RPS6KC1: variants seen among roughly 807,000 people sequenced by gnomAD.
RPS6KC1 encodes the protein ribosomal protein S6 kinase C1, also known as inactive ribosomal protein S6 kinase delta-1.
In RPS6KC1, 54 loss-of-function variants were observed where a neutral mutation model predicts 103.8. The observed-to-expected ratio is 0.52, with a 90% confidence interval of 0.42 to 0.65. The LOEUF is 0.65. Among genes scored for constraint, RPS6KC1 ranks in the 30% least tolerant of loss-of-function variants. The pLI, the probability that RPS6KC1 is intolerant of heterozygous loss-of-function variation, is 0.00. For missense variants in RPS6KC1, 1,151 were observed against 1,253.8 expected (o/e 0.92, Z 1.24); for synonymous variants, 439 against 438.7 (o/e 1.00, Z -0.01).
At chr1:213,413,675 A>G in the RPS6KC1 span, among the ~76,000 whole-genome samples, 1 of 152,216 alleles carries the variant, frequency 6.6e-6, no homozygotes, top group Non-Finnish European at 1.5e-5. Context: ...ATATGAACCA[A>G]GAGAGTGCAA....
chr1:213,254,164 A>G (rs973698837), intron 12 of RPS6KC1, among the ~76,000 whole-genome samples: 1 of 82,940 alleles, frequency 1.2e-5, no homozygotes, highest in Non-Finnish European at 3.0e-5. Flanking sequence ...GTGAAATATC[A>G]TAGTTTGAAT....
the RPS6KC1 span, among the ~76,000 whole-genome samples, chr1:213,349,469 G>A: frequency 1.3e-5 from 2 of 152,220 alleles, no homozygotes; most frequent in African/African-American, 4.8e-5. Context: ...GGCAGCATCC[G>A]CACTTTCCAC....
intron 3 of RPS6KC1, among the ~76,000 whole-genome samples, chr1:213,084,049 T>C (rs1278839800): frequency 6.6e-6 from 1 of 152,108 alleles, no homozygotes; most frequent in Non-Finnish European, 1.5e-5. Context: ...AACACCTCTA[T>C]ACTTTCCAAC....
chr1:213,673,946 A>G, the RPS6KC1 span, among the ~76,000 whole-genome samples: 1 of 152,172 alleles, frequency 6.6e-6, no homozygotes, highest in East Asian at 1.9e-4. Context: ...TTAAATAGGG[A>G]GCATAGTACC....
chr1:213,174,566 A>G (rs2091726104), intron 7 of RPS6KC1, among the ~76,000 whole-genome samples: 1 of 149,854 alleles, frequency 6.7e-6, no homozygotes, highest in African/African-American at 2.5e-5. Context: ...GCTACTCAGG[A>G]GGCTGAGGCA....
the RPS6KC1 span, among the ~76,000 whole-genome samples, chr1:213,814,342 G>A: frequency 0.019 from 2,927 of 152,326 alleles, 90 homozygotes; most frequent in African/African-American, 0.063. Context: ...AGGGCAGCAA[G>A]GGCCAACTTG....
the RPS6KC1 span, among the ~76,000 whole-genome samples, chr1:213,530,544 G>A: frequency 3.9e-5 from 6 of 152,128 alleles, no homozygotes; most frequent in African/African-American, 1.4e-4. Flanking sequence ...AGTTCTCATG[G>A]CTTCTCATGC....
chr1:213,615,696 C>A, the RPS6KC1 span, among the ~76,000 whole-genome samples: 1 of 152,234 alleles, frequency 6.6e-6, no homozygotes, highest in Non-Finnish European at 1.5e-5. Flanking sequence ...CATCTGGGGG[C>A]CTTGCTGCAG....
intron 10 of RPS6KC1, among the ~76,000 whole-genome samples, chr1:213,234,785 A>G (rs1446909126): frequency 6.6e-6 from 1 of 152,168 alleles, no homozygotes; most frequent in Admixed American, 6.5e-5. Context: ...TGGCTCTTGT[A>G]TGGGGAATGG....
At position 213,085,931 on chromosome 1, in the gene RPS6KC1, T is replaced by A. The variant is rs573956805; in HGVS notation, c.262+8115T>A. On this transcript the variant is annotated intron_variant, in intron 3 of 14. Transcript: ENST00000366960. ...CTCTCATCCTATTTTCTTTTTTTTT[T>A]AATTTCAGCACTTGTTATTTTTAGG... Among the ~76,000 whole-genome samples the A allele has an allele frequency of 1.4e-3, 217 of 152,272 alleles. 1 individual carries two copies. The highest frequency in any genetic ancestry group is 5.0e-3 in the African/African-American group (206 of 41,544).
chr1:213,270,810 T>C (rs1285639204), intron 14 of RPS6KC1, among the ~76,000 whole-genome samples: 3 of 152,208 alleles, frequency 2.0e-5, no homozygotes, highest in Non-Finnish European at 4.4e-5. Context: ...GAAAGCTATT[T>C]GAATGGCTAA....
In RPS6KC1 at chr1:213,217,784, T is replaced by C. The variant is rs550230332; in HGVS notation, c.1045-12713T>C. 3.5e-4 allele frequency among the ~76,000 whole-genome samples: 53 copies of C among 152,268 alleles called. No homozygotes were observed. In the Middle Eastern group the frequency reaches 0.01, roughly 29 times the overall value. Reference sequence around the variant, plus strand: ...CAATGACAAAAACCACATGATTACCTCAATAGATGCAGAAAAGGCCTTTGA... The same window carrying C: ...CAATGACAAAAACCACATGATTACCCCAATAGATGCAGAAAAGGCCTTTGA... On this transcript the variant is annotated intron_variant, in intron 8 of 14. Coordinates refer to ENST00000366960, the MANE Select transcript of RPS6KC1 (RefSeq NM_012424.6).
chr1:213,764,050 T>C, the RPS6KC1 span, among the ~76,000 whole-genome samples: 1 of 152,216 alleles, frequency 6.6e-6, no homozygotes, highest in African/African-American at 2.4e-5. Context: ...AGGCATCAGA[T>C]GGAGTAGTCA....
the RPS6KC1 span, among the ~76,000 whole-genome samples, chr1:213,470,101 G>C: frequency 1.3e-5 from 2 of 152,194 alleles, no homozygotes; most frequent in Admixed American, 6.5e-5. Context: ...TAGCCAGTCA[G>C]CATTCAAATT....
chr1:213,357,546 A>G, the RPS6KC1 span, among the ~76,000 whole-genome samples: 1 of 152,212 alleles, frequency 6.6e-6, no homozygotes, highest in Non-Finnish European at 1.5e-5. Context: ...GACCTGGGGC[A>G]GTCAGGTGAT....
chr1:213,072,141 T>G (rs1294698380), intron 2 of RPS6KC1, among the ~76,000 whole-genome samples: 2 of 127,776 alleles, frequency 1.6e-5, no homozygotes, highest in Non-Finnish European at 3.7e-5. Context: ...AACAGTATTG[T>G]TTTTTTTTTT....
the RPS6KC1 span, among the ~76,000 whole-genome samples, chr1:213,346,665 C>T: frequency 6.6e-6 from 1 of 151,896 alleles, no homozygotes; most frequent in Admixed American, 6.6e-5. Flanking sequence ...TGTGTACTGA[C>T]ATAGTATGAT....
At chr1:213,169,020 A>T (rs529248898) in intron 7 of RPS6KC1, among the ~76,000 whole-genome samples, 20 of 152,292 alleles carry the variant, frequency 1.3e-4, no homozygotes, top group Admixed American at 4.6e-4. Context: ...AATAATGAGA[A>T]TATAGTAATT....
chr1:213,454,025 GATA>G, the RPS6KC1 span, among the ~76,000 whole-genome samples: 6 of 152,084 alleles, frequency 3.9e-5, no homozygotes, highest in Non-Finnish European at 5.9e-5. Flanking sequence ...AATGTATGTA[GATA>G]ATAGTCTATG....
Sources: gnomAD v4.1 joint callset for allele counts (sites outside exome capture counted in the v4.1 genomes callset) on GRCh38, gnomAD v4.1.1 for gene constraint, MANE v1.5 for transcripts, NCBI Gene and HGNC (gene_info 2026-07-23, HGNC 2026-07-21) for gene names.